Variants in ARB2A observed in about 807,000 individuals in gnomAD.
ARB2A encodes the protein ARB2 cotranscriptional regulator A, also known as cotranscriptional regulator ARB2A.
the ARB2A span, among the ~76,000 whole-genome samples, chr5:93,815,870 A>C: frequency 6.6e-6 from 1 of 152,232 alleles, no homozygotes; most frequent in Non-Finnish European, 1.5e-5. Context: ...AGCTTACCAT[A>C]CTCTGATATA....
the ARB2A span, among the ~76,000 whole-genome samples, chr5:93,878,085 T>G: frequency 2.0e-5 from 3 of 148,994 alleles, no homozygotes; most frequent in African/African-American, 4.8e-5. Context: ...CATTAATTTT[T>G]GGATTGTAAT....
the ARB2A span, among the ~76,000 whole-genome samples, chr5:93,799,420 T>C: frequency 6.6e-6 from 1 of 152,094 alleles, no homozygotes; most frequent in Non-Finnish European, 1.5e-5. Context: ...TTTCCATCTT[T>C]TCTATAGACA....
At chr5:93,990,386 A>C in the ARB2A span, among the ~76,000 whole-genome samples, 1 of 152,050 alleles carries the variant, frequency 6.6e-6, no homozygotes, top group African/African-American at 2.4e-5. Context: ...TACTATTTTC[A>C]CCACTTTCCT....
chr5:94,045,929 T>C, the ARB2A span, among the ~76,000 whole-genome samples: 1 of 151,764 alleles, frequency 6.6e-6, no homozygotes, highest in Admixed American at 6.6e-5. Context: ...AAAAACAAAA[T>C]GGGAAGAAAA....
the ARB2A span, among the ~76,000 whole-genome samples, chr5:94,013,757 C>CAA: frequency 7.9e-5 from 12 of 151,588 alleles, no homozygotes; most frequent in South Asian, 2.1e-3. Flanking sequence ...CTCTCCCCTA[C>CAA]AAAAAAAACA....
chr5:94,065,426 A>T, the ARB2A span, among the ~76,000 whole-genome samples: 5 of 152,146 alleles, frequency 3.3e-5, no homozygotes, highest in African/African-American at 1.2e-4. Flanking sequence ...AGGTGGGAGG[A>T]TCGCTTGAGC....
the ARB2A span, among the ~76,000 whole-genome samples, chr5:93,968,549 T>C: frequency 3.3e-5 from 5 of 151,884 alleles, no homozygotes; most frequent in South Asian, 1.0e-3. Flanking sequence ...GAAAAGACAA[T>C]ACAGAATATT....
chr5:93,644,225 AGT>A, the ARB2A span, among the ~76,000 whole-genome samples: 21 of 152,340 alleles, frequency 1.4e-4, no homozygotes, highest in African/African-American at 4.8e-4. Context: ...AATATAAGCC[AGT>A]TGGTGGTTTC....
chr5:94,032,189 GGCTGTTTTTGCACT>G, the ARB2A span, among the ~76,000 whole-genome samples: 1 of 152,176 alleles, frequency 6.6e-6, no homozygotes, highest in Non-Finnish European at 1.5e-5. Flanking sequence ...CTCTGTGTTA[GGCTGTTTTTGCACT>G]GCTTAAAGTT....
At chr5:93,985,565 A>G in the ARB2A span, among the ~76,000 whole-genome samples, 1 of 152,132 alleles carries the variant, frequency 6.6e-6, no homozygotes, top group Non-Finnish European at 1.5e-5. Context: ...CTGGGATTGC[A>G]GGCGCGCGCC....
At chr5:93,684,881 CTTTATCT>C in the ARB2A span, among the ~76,000 whole-genome samples, 248 of 152,290 alleles carry the variant, frequency 1.6e-3, 1 homozygote, top group Admixed American at 0.015. Flanking sequence ...TATTTAACTA[CTTTATCT>C]TAACAAACCA....
chr5:94,078,717 T>C, the ARB2A span, among the ~76,000 whole-genome samples: 1 of 152,098 alleles, frequency 6.6e-6, no homozygotes, highest in Non-Finnish European at 1.5e-5. Flanking sequence ...TCTAAAATAA[T>C]TCCTTAGTTT....
chr5:93,811,535 C>T, the ARB2A span, among the ~76,000 whole-genome samples: 2 of 151,908 alleles, frequency 1.3e-5, no homozygotes, highest in African/African-American at 2.4e-5. Context: ...AAAACCGGGA[C>T]GTTGTCTGAG....
At chr5:93,908,792 T>A in the ARB2A span, among the ~76,000 whole-genome samples, 3 of 150,960 alleles carry the variant, frequency 2.0e-5, no homozygotes, top group Admixed American at 1.3e-4. Flanking sequence ...AGTAGGAGAA[T>A]TCTAATGAAT....
At chr5:93,631,128 A>G in the ARB2A span, among the ~76,000 whole-genome samples, 1 of 151,816 alleles carries the variant, frequency 6.6e-6, no homozygotes, top group Non-Finnish European at 1.5e-5. Context: ...CAGGCGATCC[A>G]CCCACCTCAA....
the ARB2A span, among the ~76,000 whole-genome samples, chr5:93,715,698 A>C: frequency 1.3e-5 from 2 of 150,926 alleles, no homozygotes; most frequent in Admixed American, 6.6e-5. Context: ...TTACCAGATA[A>C]TTTTGAAAGA....
At chr5:93,728,410 G>A in the ARB2A span, among the ~76,000 whole-genome samples, 1 of 152,078 alleles carries the variant, frequency 6.6e-6, no homozygotes, top group Non-Finnish European at 1.5e-5. Context: ...TCAGATACAT[G>A]TTTTTGCAAA....
chr5:93,768,702 A>C, the ARB2A span, among the ~76,000 whole-genome samples: 1 of 151,914 alleles, frequency 6.6e-6, no homozygotes, highest in Admixed American at 6.6e-5. Context: ...CACCTCAGCC[A>C]CCCAAGTAGC....
the ARB2A span, among the ~76,000 whole-genome samples, chr5:93,766,397 T>G: frequency 6.6e-6 from 1 of 152,136 alleles, no homozygotes; most frequent in Admixed American, 6.5e-5. Context: ...CAGGAACTTC[T>G]CAAAAGAAGA....
Sources: allele counts gnomAD v4.1 joint callset (sites outside exome capture counted in the v4.1 genomes callset), GRCh38; gene constraint gnomAD v4.1.1; transcripts MANE v1.5; gene names NCBI Gene and HGNC (gene_info 2026-07-23, HGNC 2026-07-21).